The following EXOC6B variants were observed in gnomAD, a reference collection of about 807,000 sequenced individuals.
The protein encoded by EXOC6B is SEC15 homolog B.
A neutral mutation model predicts 113.5 loss-of-function variants in EXOC6B; 54 were observed. The ratio of observed to expected loss-of-function variants is 0.48; its 90% confidence interval spans 0.38 to 0.60. The LOEUF (loss-of-function observed/expected upper bound fraction) is 0.60, where lower values mean the gene tolerates loss of function less well. EXOC6B is among the 20% of genes least tolerant of loss of function. The pLI is 0.00. For missense variants in EXOC6B, 797 were observed against 977.5 expected (o/e 0.82, Z 2.46); for synonymous variants, 357 against 339.0 (o/e 1.05, Z -0.58).
At chr2:72,624,910 A>G (rs1187190857) in intron 6 of EXOC6B, among the ~76,000 whole-genome samples, 1 of 152,174 alleles carries the variant, frequency 6.6e-6, no homozygotes, top group Non-Finnish European at 1.5e-5. Context: ...AGGTCACATA[A>G]ATTTCAAGTA....
chr2:72,615,558 C>T (rs1420376228), intron 6 of EXOC6B, among the ~76,000 whole-genome samples: 1 of 136,786 alleles, frequency 7.3e-6, no homozygotes, highest in Non-Finnish European at 1.6e-5. Context: ...GACTCTAACA[C>T]ATTAATCACG....
At chr2:72,288,155 G>C (rs1319496338) in intron 20 of EXOC6B, among the ~76,000 whole-genome samples, 1 of 152,090 alleles carries the variant, frequency 6.6e-6, no homozygotes, top group Admixed American at 6.6e-5. Context: ...CACTAAGATG[G>C]CTAAAAATAA....
Position 72,571,475 on chromosome 2 carries a change from G to A in EXOC6B, c.846+4017C>T, listed in dbSNP as rs148932333. The stretch of plus-strand genomic sequence containing the variant: ...TTCATATAGTCCAACCTTAATATAT[G>A]ATTAGTTTTTTTAAAACAAAAAAAA... On this transcript the variant is annotated intron_variant, in intron 7 of 21. Transcript: ENST00000272427. 3.3e-3 allele frequency among the ~76,000 whole-genome samples: 501 copies of A among 151,840 alleles called. 3 individuals carry two copies. Among genetic ancestry groups the A allele is most frequent in the African/African-American group, 0.011 (476 of 41,394 alleles).
At chr2:72,746,525 A>G (rs1681707205) in intron 1 of EXOC6B, among the ~76,000 whole-genome samples, 1 of 152,086 alleles carries the variant, frequency 6.6e-6, no homozygotes, top group Non-Finnish European at 1.5e-5. Context: ...TTTCATGTGC[A>G]TATTAAGAGA....
intron 16 of EXOC6B, among the ~76,000 whole-genome samples, chr2:72,485,818 T>C (rs1699394765): frequency 2.0e-5 from 3 of 152,192 alleles, no homozygotes. Context: ...GCACTAGTCA[T>C]TTCTTCAGGT....
intron 18 of EXOC6B, among the ~76,000 whole-genome samples, chr2:72,436,612 T>C (rs1229170931): frequency 6.6e-6 from 1 of 152,166 alleles, no homozygotes; most frequent in Non-Finnish European, 1.5e-5. Flanking sequence ...CATTCTTTTT[T>C]TCTCTAATCT....
chr2:72,276,625 ACT>A (rs1684821378), intron 20 of EXOC6B, among the ~76,000 whole-genome samples: 1 of 152,082 alleles, frequency 6.6e-6, no homozygotes, highest in South Asian at 2.1e-4. Context: ...CATCACTCAC[ACT>A]GTGTGAAGTG....
At chr2:72,697,975 G>A (rs1460149479) in intron 6 of EXOC6B, among the ~76,000 whole-genome samples, 1 of 152,092 alleles carries the variant, frequency 6.6e-6, no homozygotes, top group South Asian at 2.1e-4. Context: ...TCTTAGCATG[G>A]CATATTTCTA....
chr2:72,619,255 C>T (rs544971467), intron 6 of EXOC6B, among the ~76,000 whole-genome samples: 2 of 152,102 alleles, frequency 1.3e-5, no homozygotes, highest in East Asian at 1.9e-4. Context: ...TCACATCTTC[C>T]TGTATGAAAC....
At chr2:72,269,887 C>A (rs551804961) in intron 20 of EXOC6B, among the ~76,000 whole-genome samples, 13 of 152,104 alleles carry the variant, frequency 8.5e-5, no homozygotes, top group Non-Finnish European at 1.5e-4. Flanking sequence ...GTTGAGGAAG[C>A]ATTTTTCAAG....
At chr2:72,432,709 G>A (rs1485337325) in intron 18 of EXOC6B, among the ~76,000 whole-genome samples, 3 of 152,142 alleles carry the variant, frequency 2.0e-5, no homozygotes, top group Non-Finnish European at 4.4e-5. Context: ...TTTCTTGGAG[G>A]CATAAGTGTC....
At chr2:72,491,128 T>C (rs1699719134) in intron 16 of EXOC6B, among the ~76,000 whole-genome samples, 1 of 152,208 alleles carries the variant, frequency 6.6e-6, no homozygotes, top group Non-Finnish European at 1.5e-5. Context: ...TTAGCTATTT[T>C]TCAGATACAT....
intron 1 of EXOC6B, among the ~76,000 whole-genome samples, chr2:72,811,704 A>G (rs533808321): frequency 1.3e-5 from 2 of 152,324 alleles, no homozygotes; most frequent in African/African-American, 4.8e-5. Flanking sequence ...AGACAAATAA[A>G]AAGAAGTGTA....
intron 1 of EXOC6B, among the ~76,000 whole-genome samples, chr2:72,745,113 C>T (rs565953579): frequency 3.3e-5 from 5 of 152,216 alleles, no homozygotes; most frequent in African/African-American, 1.2e-4. Flanking sequence ...GTCAACAATG[C>T]TAAGATCATA....
intron 6 of EXOC6B, among the ~76,000 whole-genome samples, chr2:72,653,123 T>A (rs1350794560): frequency 6.6e-6 from 1 of 151,864 alleles, no homozygotes; most frequent in African/African-American, 2.4e-5. Context: ...TTATTGCGGC[T>A]CTATTCGCAA....
chr2:72,422,087 GC>G (rs1266347678), intron 18 of EXOC6B, among the ~76,000 whole-genome samples: 1 of 152,236 alleles, frequency 6.6e-6, no homozygotes, highest in East Asian at 1.9e-4. Context: ...GGGACCTGCA[GC>G]CCGCCATGCC....
intron 20 of EXOC6B, among the ~76,000 whole-genome samples, chr2:72,221,065 G>C (rs1680838224): frequency 6.6e-6 from 1 of 152,146 alleles, no homozygotes; most frequent in South Asian, 2.1e-4. Context: ...TTGAACGCTA[G>C]GTCTTATTTC....
At chr2:72,815,856 T>C (rs1686209041) in intron 1 of EXOC6B, among the ~76,000 whole-genome samples, 1 of 152,196 alleles carries the variant, frequency 6.6e-6, no homozygotes, top group Non-Finnish European at 1.5e-5. Flanking sequence ...ATCCTATAGA[T>C]ACAGTACGAA....
chr2:72,266,677 G>A (rs1573129505), intron 20 of EXOC6B, among the ~76,000 whole-genome samples: 1 of 152,186 alleles, frequency 6.6e-6, no homozygotes, highest in African/African-American at 2.4e-5. Flanking sequence ...ATGGTTTGAA[G>A]TCAGGTAGCG....
Sources: gnomAD v4.1 joint callset for allele counts (sites outside exome capture counted in the v4.1 genomes callset) on GRCh38, gnomAD v4.1.1 for gene constraint, MANE v1.5 for transcripts, NCBI Gene and HGNC (gene_info 2026-07-23, HGNC 2026-07-21) for gene names.